NAA35: variants seen among roughly 807,000 people sequenced by gnomAD.
NAA35 encodes the protein MAK10 homolog, amino-acid N-acetyltransferase subunit.
In NAA35, 18 loss-of-function variants were observed where a neutral mutation model predicts 101.7. The observed-to-expected ratio is 0.18, with a 90% CI of 0.12 to 0.26. The LOEUF is 0.26. NAA35 is among the 10% of genes least tolerant of loss of function. The probability of loss-of-function intolerance (pLI) is 1.00; values close to 1 mark genes in which losing one functional copy is unlikely to be tolerated. For synonymous variants in NAA35, 267 were observed against 273.1 expected (o/e 0.98, Z 0.22); for missense variants, 601 against 886.8 (o/e 0.68, Z 4.09).
rs1564334668 is a variant in NAA35, at chr9:86,024,226, A to T, written c.*2266A>T. Among the ~76,000 whole-genome samples, 1 of 152,142 alleles carries T rather than the reference A, an allele frequency of 6.6e-6. No individual in the cohort carries two copies. Among genetic ancestry groups the T allele is most frequent in the Non-Finnish European group, 1.5e-5 (1 of 68,022 alleles). ...CCCCACGTGAAACTTTAGGTGACAA[A>T]TCCCCATCGCATCTATTCAGGAGGC... On this transcript the variant is annotated 3_prime_UTR_variant, in exon 23 of 23. Coordinates refer to ENST00000361671, the MANE Select transcript of NAA35 (RefSeq NM_024635.4).
chr9:85,967,413 G>A (rs1015956004), intron 6 of NAA35, among the ~76,000 whole-genome samples: 2 of 151,996 alleles, frequency 1.3e-5, no homozygotes, highest in African/African-American at 4.8e-5. Flanking sequence ...TGTTTTCTTC[G>A]TTTTGCTAAA....
chr9:85,978,300 G>A lies in NAA35; in HGVS notation c.796G>A (p.Val266Ile). ...SAVAEAQKLMVQAADLLSAIH... is the reference protein window; with the variant it reads ...SAVAEAQKLMIQAADLLSAIH... Reference sequence around the variant, plus strand: ...TGTTGCAGAAGCTCAAAAATTGATGGTTCAAGCAGCAGATCTTCTTTCTGC... The same window carrying A: ...TGTTGCAGAAGCTCAAAAATTGATGATTCAAGCAGCAGATCTTCTTTCTGC... The change falls in exon 11 of 23, where the codon GTT (valine) becomes ATT (isoleucine). Residue 266 changes from valine to isoleucine, a missense_variant. By Grantham distance (29) the Val-to-Ile change is conservative. Around this residue, in one of 8 missense-constraint regions of NAA35, gnomAD observed 190 missense variants for 223.1 expected, o/e 0.85. Transcript: ENST00000361671. 1.2e-6 allele frequency: 2 copies of A among 1,613,306 alleles called. No homozygotes were observed. The highest frequency in any genetic ancestry group is 8.5e-7 in the Non-Finnish European group (1 of 1,179,422).
intron 6 of NAA35, among the ~76,000 whole-genome samples, chr9:85,970,798 A>G (rs1339964794): frequency 6.6e-6 from 1 of 152,192 alleles, no homozygotes. Context: ...GAATTTCTGT[A>G]TTTGGTAATT....
intron 3 of NAA35, among the ~76,000 whole-genome samples, chr9:85,957,223 A>G (rs1829315936): frequency 6.6e-6 from 1 of 152,254 alleles, no homozygotes; most frequent in Admixed American, 6.5e-5. Context: ...CTGTATTCTT[A>G]GAATAAACTA....
chr9:85,982,736 C>G (rs953000382), intron 11 of NAA35, among the ~76,000 whole-genome samples: 21 of 152,048 alleles, frequency 1.4e-4, no homozygotes, highest in African/African-American at 5.1e-4. Context: ...GTGGGTTGAA[C>G]ACATGTATTT....
At chr9:85,953,925 T>C (rs1829130239) in intron 2 of NAA35, among the ~76,000 whole-genome samples, 3 of 152,188 alleles carry the variant, frequency 2.0e-5, no homozygotes, top group Admixed American at 2.0e-4. Context: ...ATCATTCATC[T>C]GTCAATGGGC....
At chr9:85,989,005 G>A (rs373178541) in intron 11 of NAA35, among the ~76,000 whole-genome samples, 3 of 152,180 alleles carry the variant, frequency 2.0e-5, no homozygotes, top group Admixed American at 6.5e-5. Context: ...AAATCCATGA[G>A]TGTCCATTGA....
intron 1 of NAA35, 83 bp downstream of exon 1, chr9:85,941,356 C>G (rs984629078): frequency 1.0e-6 from 1 of 985,442 alleles, no homozygotes; most frequent in South Asian, 4.7e-5. Context: ...GTGGCAGATC[C>G]TGGGGACCCC....
chr9:85,941,812 C>T, intron 1 of NAA35: 1 of 1,019,550 alleles, frequency 9.8e-7, no homozygotes, highest in Non-Finnish European at 1.2e-6. Context: ...TGAATAGTGC[C>T]TTGGTCTTTT....
intron 11 of NAA35, 87 bp from the exon 12 acceptor site, chr9:85,996,312 A>T: frequency 1.1e-6 from 1 of 885,922 alleles, no homozygotes; most frequent in Non-Finnish European, 1.7e-6. Context: ...AAAGCTTTTT[A>T]AACTGGCATT....
chr9:86,002,579 G>A (rs1450081346), intron 12 of NAA35, among the ~76,000 whole-genome samples: 1 of 149,832 alleles, frequency 6.7e-6, no homozygotes, highest in Non-Finnish European at 1.5e-5. Flanking sequence ...CTTTATTTTT[G>A]TCTGACTGTC....
chr9:86,000,053 T>C (rs977370919), intron 12 of NAA35, among the ~76,000 whole-genome samples: 5 of 152,222 alleles, frequency 3.3e-5, no homozygotes, highest in Non-Finnish European at 5.9e-5. Flanking sequence ...TGGACTCTTA[T>C]TGTTTTGAGG....
intron 2 of NAA35, among the ~76,000 whole-genome samples, chr9:85,949,483 C>T (rs943080264): frequency 4.6e-5 from 7 of 151,610 alleles, no homozygotes; most frequent in South Asian, 2.1e-4. Context: ...TTAGTAGAGA[C>T]GGGGTTTCAC....
chr9:85,964,823 A>C (rs1587583840), intron 6 of NAA35, among the ~76,000 whole-genome samples: 1 of 152,178 alleles, frequency 6.6e-6, no homozygotes, highest in East Asian at 1.9e-4. Flanking sequence ...TATTTTGATC[A>C]ATCCATGAAG....
At chr9:85,942,605 T>C (rs963455827) in intron 2 of NAA35, among the ~76,000 whole-genome samples, 5 of 152,234 alleles carry the variant, frequency 3.3e-5, no homozygotes, top group Non-Finnish European at 7.3e-5. Context: ...GAGGTTTCAG[T>C]ATGATCAGAT....
At chr9:86,007,223 A>G (rs1831684255) in intron 13 of NAA35, 135 bp from the exon 14 acceptor site, 1 of 515,540 alleles carries the variant, frequency 1.9e-6, no homozygotes, top group East Asian at 3.1e-5. Flanking sequence ...GGAGACAGCA[A>G]CTTATAAAAA....
intron 11 of NAA35, among the ~76,000 whole-genome samples, chr9:85,985,921 G>A (rs944975765): frequency 1.3e-5 from 2 of 152,178 alleles, no homozygotes; most frequent in African/African-American, 4.8e-5. Context: ...TTTGGAAGAT[G>A]TGCTCCATTA....
intron 5 of NAA35, among the ~76,000 whole-genome samples, chr9:85,961,262 G>A (rs1329942155): frequency 6.6e-6 from 1 of 152,136 alleles, no homozygotes; most frequent in Non-Finnish European, 1.5e-5. Context: ...CTCTACTGCA[G>A]AATTCTTGGG....
rs956062838 is a variant in NAA35, at chr9:86,024,714, A to C, written c.*2754A>C. On this transcript the variant is annotated 3_prime_UTR_variant, in exon 23 of 23. Transcript: ENST00000361671. ...GACGATGGTGGTGCCACTTGTGTAG[A>C]TATCTAGGCAAGGTAGGAGACCAGG... 2.0e-5 allele frequency among the ~76,000 whole-genome samples: 3 copies of C among 152,130 alleles called. No homozygotes were observed. Among genetic ancestry groups the C allele is most frequent in the African/African-American group, 7.2e-5 (3 of 41,430 alleles).
Sources: gnomAD v4.1 joint callset for allele counts (sites outside exome capture counted in the v4.1 genomes callset) on GRCh38, gnomAD v4.1.1 for gene constraint, gnomAD v4.1.1 regional missense constraint, MANE v1.5 for transcripts, NCBI Gene and HGNC (gene_info 2026-07-23, HGNC 2026-07-21) for gene names.